Variants in TMEM232 observed in about 807,000 individuals in gnomAD.
TMEM232 encodes transmembrane protein 232.
TMEM232 carries 80 observed loss-of-function variants against 78.8 expected under a neutral mutation model. The ratio of observed to expected loss-of-function variants is 1.01; its 90% CI spans 0.85 to 1.22. The LOEUF is 1.22. Among genes scored for constraint, TMEM232 ranks in the 50% most tolerant of loss-of-function variants. TMEM232 has a pLI of 0.00. For synonymous variants in TMEM232, 297 were observed against 254.3 expected, an observed-to-expected ratio of 1.17 and a Z score of -1.60; for missense variants, 881 against 742.2, an observed-to-expected ratio of 1.19 and a Z score of -2.17.
In TMEM232 at chr5:110,652,004, G is replaced by A. The variant is rs185070107; in HGVS notation, c.126-9633C>T. ...ATCTGGTGTTTGCTTTATATATACT[G>A]CTTGAAATGTATAAAATGTACTTTG... is the stretch of plus-strand genomic sequence containing the variant. On this transcript the variant is annotated intron_variant, in intron 2 of 13. Coordinates refer to ENST00000455884, the MANE Select transcript of TMEM232 (RefSeq NM_001039763.4). Among the ~76,000 whole-genome samples, 4 of 152,122 alleles carry A rather than the reference G, an allele frequency of 2.6e-5. No homozygotes were observed. The East Asian group carries it at 7.7e-4, about 29-fold the overall frequency.
intron 11 of TMEM232, among the ~76,000 whole-genome samples, chr5:110,547,998 CAAAA>C (rs938444289): frequency 2.1e-5 from 1 of 48,660 alleles, no homozygotes; most frequent in Non-Finnish European, 4.4e-5. Flanking sequence ...ACTCCATCTC[CAAAA>C]AAAAAAAAAA....
intron 12 of TMEM232, among the ~76,000 whole-genome samples, chr5:110,494,203 C>T (rs1303022368): frequency 1.3e-5 from 2 of 151,948 alleles, no homozygotes; most frequent in Admixed American, 1.3e-4. Flanking sequence ...AGTTCAACCT[C>T]ATTAAAACCA....
intron 11 of TMEM232, among the ~76,000 whole-genome samples, chr5:110,532,772 A>G (rs1771732992): frequency 6.6e-6 from 1 of 152,000 alleles, no homozygotes; most frequent in South Asian, 2.1e-4. Flanking sequence ...GCGACCGATC[A>G]TGCACTCCTT....
chr5:110,638,198 CT>C lies in TMEM232; in HGVS notation c.500del (p.Lys167ArgfsTer19), dbSNP rs1433504432. On this transcript the variant is annotated frameshift_variant and splice_region_variant, in exon 5 of 14. Coordinates refer to ENST00000455884, the MANE Select transcript of TMEM232 (RefSeq NM_001039763.4). LOFTEE classifies it high-confidence loss of function. ...CATTAAGAAGTTTTTCAAAACATAC[CT>C]TTGCTAGCTTTATTTCAACTGAATA... is the stretch of plus-strand genomic sequence containing the variant. ...YLYSVEIKLA[K>X]IGYLVFLRLF... The C allele has an allele frequency of 6.5e-7, 1 of 1,536,486 alleles. No homozygotes were observed. Among genetic ancestry groups the C allele is most frequent in the South Asian group, 1.2e-5 (1 of 80,394 alleles).
chr5:110,411,537 T>C (rs547241877), intron 2 of TMEM232, among the ~76,000 whole-genome samples: 8 of 152,306 alleles, frequency 5.3e-5, no homozygotes, highest in South Asian at 4.1e-4. Context: ...TATATTTACA[T>C]TGTTGAGCAA....
intron 2 of TMEM232, among the ~76,000 whole-genome samples, chr5:110,662,012 G>A (rs544011557): frequency 2.0e-4 from 31 of 152,126 alleles, no homozygotes; most frequent in African/African-American, 6.7e-4. Context: ...TTTGTTATTA[G>A]GGTGTTTGAG....
At chr5:110,530,596 GA>G (rs964617674) in intron 11 of TMEM232, among the ~76,000 whole-genome samples, 1 of 152,144 alleles carries the variant, frequency 6.6e-6, no homozygotes, top group Non-Finnish European at 1.5e-5. Context: ...GAACCTGGGG[GA>G]CATCATGTTA....
chr5:110,537,556 G>C (rs1772549019), intron 11 of TMEM232, among the ~76,000 whole-genome samples: 1 of 152,100 alleles, frequency 6.6e-6, no homozygotes, highest in African/African-American at 2.4e-5. Flanking sequence ...CCTTTTACAA[G>C]GGCTACCTGT....
chr5:110,498,003 T>C (rs1427252055), intron 12 of TMEM232, among the ~76,000 whole-genome samples: 5 of 152,116 alleles, frequency 3.3e-5, no homozygotes, highest in African/African-American at 1.2e-4. Context: ...TAACAGAAGA[T>C]AGAAAATAAA....
chr5:110,557,784 C>T (rs147820769), intron 11 of TMEM232, among the ~76,000 whole-genome samples: 147 of 152,276 alleles, frequency 9.7e-4, no homozygotes, highest in African/African-American at 2.7e-3. Flanking sequence ...CACCTCCCCC[C>T]AGGCCCCATA....
chr5:110,398,882 G>T (rs1755489156), intron 2 of TMEM232, among the ~76,000 whole-genome samples: 1 of 152,026 alleles, frequency 6.6e-6, no homozygotes, highest in Non-Finnish European at 1.5e-5. Context: ...TAAGATAGGG[G>T]GCAAGATGGT....
At chr5:110,510,303 C>T (rs911197066) in intron 12 of TMEM232, among the ~76,000 whole-genome samples, 3 of 152,220 alleles carry the variant, frequency 2.0e-5, no homozygotes, top group Admixed American at 1.3e-4. Flanking sequence ...CTACCCCCAA[C>T]TCTGCCTTGT....
At chr5:110,462,148 G>T (rs1761602092) in intron 12 of TMEM232, among the ~76,000 whole-genome samples, 1 of 152,172 alleles carries the variant, frequency 6.6e-6, no homozygotes, top group Non-Finnish European at 1.5e-5. Flanking sequence ...ATTCTAAAAG[G>T]ATTCACCATT....
chr5:110,685,897 G>C (rs989773655), intron 1 of TMEM232, among the ~76,000 whole-genome samples: 2 of 152,014 alleles, frequency 1.3e-5, no homozygotes, highest in East Asian at 3.9e-4. Context: ...AAACACAAAA[G>C]TGTACATACT....
chr5:110,549,091 C>T (rs1300773417), intron 11 of TMEM232, among the ~76,000 whole-genome samples: 1 of 151,778 alleles, frequency 6.6e-6, no homozygotes, highest in East Asian at 1.9e-4. Flanking sequence ...TTGCTTATCA[C>T]ACTTTTTAGG....
intron 1 of TMEM232, among the ~76,000 whole-genome samples, chr5:110,668,113 A>C (rs2150133374): frequency 6.6e-6 from 1 of 152,210 alleles, no homozygotes; most frequent in Non-Finnish European, 1.5e-5. Flanking sequence ...GATTAGTCAA[A>C]GTTTTGGCAG....
chr5:110,557,100 CT>C (rs1775181563), intron 11 of TMEM232, among the ~76,000 whole-genome samples: 1 of 152,076 alleles, frequency 6.6e-6, no homozygotes, highest in African/African-American at 2.4e-5. Context: ...TTTTATCTGA[CT>C]GAGTTGACTT....
At chr5:110,429,716 C>A (rs1174119865) in intron 12 of TMEM232, among the ~76,000 whole-genome samples, 1 of 151,714 alleles carries the variant, frequency 6.6e-6, no homozygotes, top group East Asian at 1.9e-4. Flanking sequence ...TGAATGTCTT[C>A]CCCCCTTATC....
chr5:110,695,551 G>T (rs1314710276), intron 1 of TMEM232, among the ~76,000 whole-genome samples: 2 of 151,994 alleles, frequency 1.3e-5, no homozygotes, highest in African/African-American at 4.8e-5. Context: ...TTGATAGACT[G>T]CTAGCAAGAC....
Sources: allele counts gnomAD v4.1 joint callset (sites outside exome capture counted in the v4.1 genomes callset), GRCh38; gene constraint gnomAD v4.1.1; transcripts MANE v1.5; gene names NCBI Gene and HGNC (gene_info 2026-07-23, HGNC 2026-07-21).